SYN3: variants seen among roughly 807,000 people sequenced by gnomAD.
SYN3 encodes the protein synapsin-3.
A neutral mutation model predicts 65.8 loss-of-function variants in SYN3; 35 were observed. The observed-to-expected ratio is 0.53, with a 90% CI of 0.41 to 0.70. SYN3 has a LOEUF of 0.70. Ranked by LOEUF, SYN3 falls within the 30% of genes least tolerant of loss-of-function variation. The probability of loss-of-function intolerance (pLI) is 0.00; values close to 1 mark genes in which losing one functional copy is unlikely to be tolerated. For synonymous variants in SYN3, 270 were observed against 292.9 expected (o/e 0.92, Z 0.80); for missense variants, 680 against 749.0 (o/e 0.91, Z 1.08).
chr22:32,517,998 A>AC (rs1272875711), intron 13 of SYN3, 45 bp downstream of exon 13: 1 of 1,426,720 alleles, frequency 7.0e-7, no homozygotes, highest in African/African-American at 1.4e-5. Context: ...CTCTGCCTAC[A>AC]CCCCAGCTCT....
chr22:32,617,305 A>G lies in SYN3; in HGVS notation c.712-20569T>C, dbSNP rs900000368. Reference sequence around the variant, plus strand: ...CAGATGAAAGGACATGGTGTCTTGGATTGGCTTTAAAATAATCCAGTGTGG... The same window carrying G: ...CAGATGAAAGGACATGGTGTCTTGGGTTGGCTTTAAAATAATCCAGTGTGG... On this transcript the variant is annotated intron_variant, in intron 6 of 13. Transcript: ENST00000358763. 3.3e-5 allele frequency among the ~76,000 whole-genome samples: 5 copies of G among 152,068 alleles called. No homozygotes were observed. In the South Asian group the frequency reaches 1.0e-3, roughly 32 times the overall value.
chr22:32,659,990 T>C (rs1199024618), intron 6 of SYN3, among the ~76,000 whole-genome samples: 2 of 152,222 alleles, frequency 1.3e-5, no homozygotes, highest in Non-Finnish European at 2.9e-5. Context: ...TATTCAATGG[T>C]TCAATGTATA....
chr22:32,721,682 T>C (rs556618622), intron 6 of SYN3, among the ~76,000 whole-genome samples: 2 of 152,354 alleles, frequency 1.3e-5, no homozygotes, highest in South Asian at 4.1e-4. Flanking sequence ...AGTGTAAATA[T>C]AGCTGTGAAA....
At chr22:32,791,197 C>A (rs1326134933) in intron 6 of SYN3, among the ~76,000 whole-genome samples, 2 of 152,156 alleles carry the variant, frequency 1.3e-5, no homozygotes, top group African/African-American at 4.8e-5. Flanking sequence ...TAGAATAGGA[C>A]CTGGCACATA....
At chr22:32,987,390 A>C (rs2052559193) in intron 2 of SYN3, among the ~76,000 whole-genome samples, 1 of 152,106 alleles carries the variant, frequency 6.6e-6, no homozygotes, top group Non-Finnish European at 1.5e-5. Flanking sequence ...CAGAAGAAAG[A>C]CCTTGGAACG....
rs545484525 is a variant in SYN3 at position 32,513,127 on chromosome 22, C to G, written c.*565G>C. On this transcript the variant is annotated 3_prime_UTR_variant, in exon 14 of 14. Coordinates refer to ENST00000358763, the MANE Select transcript of SYN3 (RefSeq NM_003490.4). Reference sequence around the variant, plus strand: ...ACTAGTGGCCGAGTGTGATGGGGGCCTTTGCCTGCCTGGTCTAAGGGCGGG... The same window carrying G: ...ACTAGTGGCCGAGTGTGATGGGGGCGTTTGCCTGCCTGGTCTAAGGGCGGG... 2.6e-5 allele frequency: 4 copies of G among 152,568 alleles called. No individual in the cohort carries two copies. Among genetic ancestry groups the G allele is most frequent in the East Asian group, 3.9e-4 (2 of 5,182 alleles). The allele number at this position is 152,568 out of a possible 1,614,324, so 9.5% of individuals were successfully genotyped here. A position where few individuals can be genotyped will look rare whatever the true frequency, so the allele number is the denominator to read the frequency against.
chr22:32,838,663 A>C (rs1224810874), intron 6 of SYN3, among the ~76,000 whole-genome samples: 2 of 152,014 alleles, frequency 1.3e-5, no homozygotes, highest in Non-Finnish European at 2.9e-5. Context: ...GCCTCTCCAG[A>C]TCACATTTTT....
intron 4 of SYN3, among the ~76,000 whole-genome samples, chr22:32,869,972 T>C (rs141501718): frequency 8.8e-4 from 134 of 152,294 alleles, no homozygotes; most frequent in African/African-American, 3.1e-3. Context: ...CACATGCTTT[T>C]GACTCCATCA....
intron 3 of SYN3, among the ~76,000 whole-genome samples, chr22:32,976,605 C>T (rs536413905): frequency 1.3e-5 from 2 of 152,296 alleles, no homozygotes; most frequent in South Asian, 4.1e-4. Flanking sequence ...GACATGCCAA[C>T]CATCCTGGCC....
intron 6 of SYN3, among the ~76,000 whole-genome samples, chr22:32,707,922 G>T (rs2060901957): frequency 6.6e-6 from 1 of 152,206 alleles, no homozygotes; most frequent in Non-Finnish European, 1.5e-5. Flanking sequence ...TAGGGCCAGT[G>T]TAAGAATTCA....
rs537740653 is a variant in SYN3 at position 32,962,386 on chromosome 22, G to A, written c.369+18259C>T. On this transcript the variant is annotated intron_variant, in intron 3 of 13. Coordinates refer to ENST00000358763, the MANE Select transcript of SYN3 (RefSeq NM_003490.4). ...CTTGACCTTGTGATCTGCCCACCTC[G>A]GCCTCCCAGAGTGCTGGGATTACAG... 7.9e-5 allele frequency among the ~76,000 whole-genome samples: 12 copies of A among 152,090 alleles called. No homozygotes were observed. The South Asian group carries it at 1.0e-3, about 13-fold the overall frequency.
At chr22:32,797,984 C>A (rs2046469916) in intron 6 of SYN3, among the ~76,000 whole-genome samples, 5 of 152,256 alleles carry the variant, frequency 3.3e-5, no homozygotes, top group Admixed American at 3.3e-4. Flanking sequence ...ACATTGGGAA[C>A]AAATCTCAGG....
chr22:32,597,209 T>C (rs1322537140), intron 6 of SYN3, among the ~76,000 whole-genome samples: 2 of 50,586 alleles, frequency 4.0e-5, no homozygotes, highest in African/African-American at 5.2e-4. Flanking sequence ...ATTCTCTTTT[T>C]TTTTTTTTTT....
chr22:33,008,371 A>G (rs1367529637), intron 1 of SYN3, among the ~76,000 whole-genome samples: 2 of 152,080 alleles, frequency 1.3e-5, no homozygotes, highest in Admixed American at 6.5e-5. Flanking sequence ...GTTCTTTTGT[A>G]CCCCTTCTGG....
chr22:32,818,365 G>C (rs1035424413), intron 6 of SYN3, among the ~76,000 whole-genome samples: 11 of 152,146 alleles, frequency 7.2e-5, no homozygotes, highest in African/African-American at 2.7e-4. Context: ...TAGCCCAGGG[G>C]CTGGGGGCAG....
chr22:32,610,270 G>T (rs868289903), intron 6 of SYN3, among the ~76,000 whole-genome samples: 4 of 151,732 alleles, frequency 2.6e-5, no homozygotes, highest in Non-Finnish European at 5.9e-5. Flanking sequence ...AACAGATCAA[G>T]ATTCTGTCCC....
At chr22:32,605,036 A>C (rs1269986234) in intron 6 of SYN3, among the ~76,000 whole-genome samples, 1 of 150,440 alleles carries the variant, frequency 6.6e-6, no homozygotes, top group African/African-American at 2.4e-5. Flanking sequence ...AGAATTATAC[A>C]TTCATCTTTT....
rs932687896 is a variant in SYN3, at chr22:32,508,447, G to A, written c.*5245C>T. Among the ~76,000 whole-genome samples, 30 of 152,128 alleles carry A rather than the reference G, an allele frequency of 2.0e-4. No homozygotes were observed. Among genetic ancestry groups the A allele is most frequent in the Non-Finnish European group, 4.1e-4 (28 of 68,028 alleles). On this transcript the variant is annotated 3_prime_UTR_variant, in exon 14 of 14. Transcript: ENST00000358763. ...GGCCTGCACCCAGGTGAAATAAACA[G>A]CCATGTTGCTCACACAAAGCCTGTT...
chr22:32,575,671 A>T (rs995424470), intron 7 of SYN3, among the ~76,000 whole-genome samples: 4 of 152,192 alleles, frequency 2.6e-5, no homozygotes, highest in Non-Finnish European at 4.4e-5. Context: ...CTATTTTCAC[A>T]GCACTCACTT....
Sources: allele counts gnomAD v4.1 joint callset (sites outside exome capture counted in the v4.1 genomes callset), GRCh38; gene constraint gnomAD v4.1.1; transcripts MANE v1.5; gene names NCBI Gene and HGNC (gene_info 2026-07-23, HGNC 2026-07-21).